SCFD2: variants seen among roughly 807,000 people sequenced by gnomAD.
The protein encoded by SCFD2 is sec1 family domain-containing protein 2.
Under a neutral mutation model 58.9 loss-of-function variants are expected in SCFD2, and 54 were observed. That is an observed-to-expected ratio of 0.92 (90% CI 0.74 to 1.15). The LOEUF is 1.15. Ranked by LOEUF, SCFD2 falls within the 50% of genes most tolerant of loss-of-function variation. The pLI is 0.00. For missense variants in SCFD2, 805 were observed against 836.6 expected (o/e 0.96, Z 0.47); for synonymous variants, 321 against 335.9 (o/e 0.96, Z 0.49).
intron 4 of SCFD2, among the ~76,000 whole-genome samples, chr4:53,226,143 C>T (rs1005044660): frequency 6.6e-6 from 1 of 152,038 alleles, no homozygotes; most frequent in Non-Finnish European, 1.5e-5. Context: ...TAGCAATAAT[C>T]ACTCCCCTCA....
intron 2 of SCFD2, among the ~76,000 whole-genome samples, chr4:53,347,962 A>G (rs1396508678): frequency 3.3e-5 from 5 of 152,208 alleles, no homozygotes; most frequent in African/African-American, 4.8e-5. Flanking sequence ...TTATTTAAGG[A>G]CCTAAAAATG....
At chr4:53,186,565 G>T (rs1330343268) in intron 4 of SCFD2, among the ~76,000 whole-genome samples, 1 of 152,048 alleles carries the variant, frequency 6.6e-6, no homozygotes, top group Non-Finnish European at 1.5e-5. Context: ...TGAATAAAAA[G>T]CAACAAGCAG....
At chr4:53,253,543 G>A (rs1221058695) in intron 4 of SCFD2, among the ~76,000 whole-genome samples, 1 of 151,974 alleles carries the variant, frequency 6.6e-6, no homozygotes, top group African/African-American at 2.4e-5. Context: ...TATACACCAT[G>A]GAATACTATG....
At chr4:53,134,884 T>G (rs1210615542) in intron 5 of SCFD2, among the ~76,000 whole-genome samples, 3 of 152,196 alleles carry the variant, frequency 2.0e-5, no homozygotes, top group Non-Finnish European at 4.4e-5. Context: ...CTGGCTTTAG[T>G]TTCCAGAGAT....
chr4:53,042,082 G>A (rs1262834358), intron 5 of SCFD2, among the ~76,000 whole-genome samples: 2 of 152,174 alleles, frequency 1.3e-5, no homozygotes, highest in Admixed American at 6.5e-5. Context: ...CAGCAGAGCT[G>A]TAAAATGCTT....
At chr4:52,895,317 T>C (rs1449038915) in intron 7 of SCFD2, among the ~76,000 whole-genome samples, 2 of 152,030 alleles carry the variant, frequency 1.3e-5, no homozygotes, top group East Asian at 3.9e-4. Flanking sequence ...GCTATCCCTC[T>C]CCCCTACCCC....
intron 2 of SCFD2, among the ~76,000 whole-genome samples, chr4:53,326,183 CCCAGG>C (rs1179960066): frequency 1.3e-5 from 2 of 152,020 alleles, no homozygotes; most frequent in East Asian, 3.9e-4. Context: ...CGCTCTGTCA[CCCAGG>C]CCAGAGTGCA....
At chr4:53,333,315 A>C (rs1733557915) in intron 2 of SCFD2, among the ~76,000 whole-genome samples, 2 of 148,466 alleles carry the variant, frequency 1.3e-5, no homozygotes, top group Non-Finnish European at 3.0e-5. Context: ...CAAAAGAACA[A>C]AGCTGGAGGC....
intron 5 of SCFD2, among the ~76,000 whole-genome samples, chr4:53,127,796 A>G (rs1725671147): frequency 6.6e-6 from 1 of 152,182 alleles, no homozygotes; most frequent in African/African-American, 2.4e-5. Context: ...CTGGCCATGG[A>G]AAAATGACCT....
At chr4:53,179,490 T>A (rs1727466801) in intron 4 of SCFD2, among the ~76,000 whole-genome samples, 1 of 151,952 alleles carries the variant, frequency 6.6e-6, no homozygotes, top group South Asian at 2.1e-4. Context: ...CTAAAAGAGC[T>A]CCTGAAGGAA....
intron 4 of SCFD2, among the ~76,000 whole-genome samples, chr4:53,180,125 T>A (rs968622322): frequency 6.6e-6 from 1 of 152,168 alleles, no homozygotes; most frequent in Non-Finnish European, 1.5e-5. Flanking sequence ...ACCCAGGAAT[T>A]GAACTCAGCT....
intron 2 of SCFD2, among the ~76,000 whole-genome samples, chr4:53,325,706 A>T (rs1447063775): frequency 6.6e-6 from 1 of 152,234 alleles, no homozygotes; most frequent in African/African-American, 2.4e-5. Flanking sequence ...ATCTCCTTTG[A>T]GTCTTACAAG....
chr4:53,245,577 CT>C (rs1006250799), intron 4 of SCFD2, among the ~76,000 whole-genome samples: 26 of 152,102 alleles, frequency 1.7e-4, no homozygotes, highest in African/African-American at 6.3e-4. Flanking sequence ...GTTGAAAACA[CT>C]CAACAAACTA....
intron 5 of SCFD2, among the ~76,000 whole-genome samples, chr4:52,974,419 A>T (rs534544818): frequency 6.5e-4 from 99 of 152,350 alleles, no homozygotes; most frequent in Middle Eastern, 6.8e-3. Context: ...TCCCATTCAC[A>T]ATTGCTTCAA....
intron 5 of SCFD2, among the ~76,000 whole-genome samples, chr4:53,078,574 T>C (rs1397950828): frequency 6.6e-6 from 1 of 152,214 alleles, no homozygotes; most frequent in Non-Finnish European, 1.5e-5. Flanking sequence ...ATTGACTCTA[T>C]GCGCTAGTAA....
chr4:53,236,818 TTA>T (rs1729631374), intron 4 of SCFD2, among the ~76,000 whole-genome samples: 1 of 130,124 alleles, frequency 7.7e-6, no homozygotes, highest in Admixed American at 8.2e-5. Context: ...TTTTATTTAT[TTA>T]TTTATTTATT....
At position 53,263,235 on chromosome 4, in the gene SCFD2, T is replaced by G. The variant is rs141656711; in HGVS notation, c.1311+10591A>C. On this transcript the variant is annotated intron_variant, in intron 4 of 8. Coordinates refer to ENST00000401642, the MANE Select transcript of SCFD2 (RefSeq NM_152540.4). Reference sequence around the variant, plus strand: ...CCTTGATTAGCTTAATAATCGACCTTCGAATTCTTTTTCTGGAAATTTAGA... The same window carrying G: ...CCTTGATTAGCTTAATAATCGACCTGCGAATTCTTTTTCTGGAAATTTAGA... Among the ~76,000 whole-genome samples the G allele has an allele frequency of 6.5e-3, 983 of 152,292 alleles. 4 individuals carry two copies. The highest frequency in any genetic ancestry group is 0.01 in the Middle Eastern group (3 of 294).
intron 4 of SCFD2, among the ~76,000 whole-genome samples, chr4:53,236,848 ATTTATTTT>A (rs1560402108): frequency 1.2e-5 from 1 of 86,238 alleles, no homozygotes; most frequent in Non-Finnish European, 2.9e-5. Context: ...TTATTTATTT[ATTTATTTT>A]TTATTGATAA....
chr4:52,873,864 G>T lies in SCFD2; in HGVS notation c.*105C>A, dbSNP rs757053647. 1.1e-5 allele frequency: 8 copies of T among 754,350 alleles called. No homozygotes were observed. Among genetic ancestry groups the T allele is most frequent in the Middle Eastern group, 2.6e-4 (1 of 3,856 alleles). The allele number at this position is 754,350 out of a possible 1,614,324, so 46.7% of individuals were successfully genotyped here. ...CTTCAGGCAGAATTCCATCATTCTC[G>T]CAATTAGTGACAGGGACGCTGGTTG... On this transcript the variant is annotated 3_prime_UTR_variant, in exon 9 of 9. Coordinates refer to ENST00000401642, the MANE Select transcript of SCFD2 (RefSeq NM_152540.4).
Sources: gnomAD v4.1 joint callset for allele counts (sites outside exome capture counted in the v4.1 genomes callset) on GRCh38, gnomAD v4.1.1 for gene constraint, MANE v1.5 for transcripts, NCBI Gene and HGNC (gene_info 2026-07-23, HGNC 2026-07-21) for gene names.